The following PBX1 variants were observed in gnomAD, a reference collection of about 807,000 sequenced individuals.
PBX1 encodes the protein pre-B-cell leukemia transcription factor 1.
In PBX1, 6 loss-of-function variants were observed where a neutral mutation model predicts 53.4. The ratio of observed to expected loss-of-function variants is 0.11; its 90% CI spans 0.06 to 0.22. The LOEUF (loss-of-function observed/expected upper bound fraction) is 0.22, where lower values mean the gene tolerates loss of function less well. Ranked by LOEUF, PBX1 falls within the 10% of genes least tolerant of loss-of-function variation. The pLI is 1.00. For missense variants in PBX1, 251 were observed against 551.4 expected (o/e 0.46, Z 5.46); for synonymous variants, 204 against 212.3 (o/e 0.96, Z 0.34).
At chr1:164,775,040 C>G (rs565526278) in intron 2 of PBX1, among the ~76,000 whole-genome samples, 1 of 152,280 alleles carries the variant, frequency 6.6e-6, no homozygotes, top group African/African-American at 2.4e-5. Flanking sequence ...TTATTGCTGG[C>G]TGGGCTCTGT....
intron 2 of PBX1, among the ~76,000 whole-genome samples, chr1:164,759,964 A>T (rs1213733847): frequency 6.6e-6 from 1 of 152,172 alleles, no homozygotes; most frequent in African/African-American, 2.4e-5. Context: ...TAAAAACCAC[A>T]GTTGTAAAGC....
intron 2 of PBX1, among the ~76,000 whole-genome samples, chr1:164,753,584 G>A (rs902373940): frequency 6.6e-6 from 1 of 152,068 alleles, no homozygotes; most frequent in African/African-American, 2.4e-5. Flanking sequence ...GAGTTTGCAA[G>A]ACCACACTTG....
chr1:164,875,683 G>A (rs570561497), intron 2 of PBX1, among the ~76,000 whole-genome samples: 248 of 152,160 alleles, frequency 1.6e-3, no homozygotes, highest in Non-Finnish European at 2.6e-3. Flanking sequence ...ACTGCTTGAG[G>A]TGGACCTTAA....
intron 2 of PBX1, among the ~76,000 whole-genome samples, chr1:164,867,783 C>T (rs965270475): frequency 1.3e-5 from 2 of 152,254 alleles, no homozygotes; most frequent in Non-Finnish European, 2.9e-5. Flanking sequence ...ATTATTCAAT[C>T]TCAGGCCTGA....
At chr1:164,626,699 A>C (rs1219317676) in intron 2 of PBX1, among the ~76,000 whole-genome samples, 1 of 152,172 alleles carries the variant, frequency 6.6e-6, no homozygotes, top group Non-Finnish European at 1.5e-5. Context: ...GAGAATGGGC[A>C]AGATGAGAAT....
At chr1:164,562,481 A>C (rs1277519439) in intron 1 of PBX1, among the ~76,000 whole-genome samples, 1 of 151,956 alleles carries the variant, frequency 6.6e-6, no homozygotes, top group Non-Finnish European at 1.5e-5. Context: ...ACACACACAC[A>C]CACACACACA....
At chr1:164,822,039 T>C (rs12131064) in intron 8 of PBX1, among the ~76,000 whole-genome samples, 2,066 of 152,258 alleles carry the variant, frequency 0.014, 20 homozygotes, top group Non-Finnish European at 0.022. Flanking sequence ...AAAATACTTT[T>C]TTTCAATCTG....
intron 2 of PBX1, among the ~76,000 whole-genome samples, chr1:164,752,040 G>C (rs1666258213): frequency 6.9e-6 from 1 of 145,846 alleles, no homozygotes; most frequent in Admixed American, 6.7e-5. Flanking sequence ...GAGAAACACT[G>C]CTTCTAAAAA....
rs866922454 is a variant in PBX1, at chr1:164,849,930, G to A, written c.*3254G>A. On this transcript the variant is annotated 3_prime_UTR_variant, in exon 9 of 9. Transcript: ENST00000420696. ...TAAAAGAAACAAAAAAATACTCAACGATTCTTTCAGCTTTATTAACATTTT... is the reference window on the plus strand; with the variant it reads ...TAAAAGAAACAAAAAAATACTCAACAATTCTTTCAGCTTTATTAACATTTT... 5 of 227,794 alleles carry A rather than the reference G, an allele frequency of 2.2e-5. No homozygotes were observed. The highest frequency in any genetic ancestry group is 5.7e-5 in the Admixed American group (1 of 17,590). The allele number at this position is 227,794 out of a possible 1,614,324, so 14.1% of individuals were successfully genotyped here.
At chr1:164,580,582 A>G (rs1263603918) in intron 2 of PBX1, among the ~76,000 whole-genome samples, 1 of 151,080 alleles carries the variant, frequency 6.6e-6, no homozygotes, top group African/African-American at 2.4e-5. Flanking sequence ...TTCCCAGCCA[A>G]GTTTGTTTTT....
At chr1:164,663,244 GCCTT>G (rs1319122372) in intron 2 of PBX1, among the ~76,000 whole-genome samples, 36 of 130,014 alleles carry the variant, frequency 2.8e-4, no homozygotes, top group African/African-American at 1.0e-3. Context: ...CTTCCTTCCT[GCCTT>G]CCTGCCTGCC....
chr1:164,801,076 T>A (rs56310441), intron 4 of PBX1, among the ~76,000 whole-genome samples: 31,949 of 151,852 alleles, frequency 0.21, 4,127 homozygotes, highest in East Asian at 0.3. Context: ...TTAGTCAATG[T>A]GTTTTGGGTT....
chr1:164,620,846 C>T (rs1657624563), intron 2 of PBX1, among the ~76,000 whole-genome samples: 1 of 151,956 alleles, frequency 6.6e-6, no homozygotes, highest in Non-Finnish European at 1.5e-5. Flanking sequence ...CCACGCCAAG[C>T]TAATTTTTAT....
intron 2 of PBX1, among the ~76,000 whole-genome samples, chr1:164,730,633 C>A (rs1394621886): frequency 6.6e-6 from 1 of 152,160 alleles, no homozygotes. Flanking sequence ...GTTCTCCTTG[C>A]TTTAGCTAGC....
intron 2 of PBX1, among the ~76,000 whole-genome samples, chr1:164,871,605 C>T (rs756480138): frequency 3.1e-4 from 47 of 152,168 alleles, no homozygotes; most frequent in Non-Finnish European, 4.6e-4. Flanking sequence ...AACGTCAGGT[C>T]TGGAGATTAG....
At position 164,692,677 on chromosome 1, in the gene PBX1, A is replaced by G. The variant is rs368795305; in HGVS notation, c.266-99817A>G. 2.6e-5 allele frequency among the ~76,000 whole-genome samples: 4 copies of G among 152,190 alleles called. No homozygotes were observed. In the East Asian group the frequency reaches 5.8e-4, roughly 22 times the overall value. On this transcript the variant is annotated intron_variant, in intron 2 of 8. Coordinates refer to ENST00000420696, the MANE Select transcript of PBX1 (RefSeq NM_002585.4). ...GGGAATAGGGTTAACAGGGCCAAAC[A>G]AGGGTGGGAGCAAGACTTGGCAATG...
chr1:164,592,898 T>C (rs765540764), intron 2 of PBX1, among the ~76,000 whole-genome samples: 7 of 152,018 alleles, frequency 4.6e-5, no homozygotes, highest in Non-Finnish European at 8.8e-5. Context: ...TTCCCCACAA[T>C]GGGAACTTGG....
chr1:164,840,248 C>G (rs1364443312), intron 8 of PBX1, among the ~76,000 whole-genome samples: 1 of 152,188 alleles, frequency 6.6e-6, no homozygotes, highest in Non-Finnish European at 1.5e-5. Flanking sequence ...TGGTACCAAA[C>G]TAGGCCAGAA....
At chr1:164,721,443 G>A (rs982673277) in intron 2 of PBX1, among the ~76,000 whole-genome samples, 1 of 152,094 alleles carries the variant, frequency 6.6e-6, no homozygotes, top group African/African-American at 2.4e-5. Flanking sequence ...GTGTGTGTGT[G>A]TGTGTGTATT....
Sources: gnomAD v4.1 joint callset for allele counts (sites outside exome capture counted in the v4.1 genomes callset) on GRCh38, gnomAD v4.1.1 for gene constraint, MANE v1.5 for transcripts, NCBI Gene and HGNC (gene_info 2026-07-23, HGNC 2026-07-21) for gene names.